NPAS2: variants seen among roughly 807,000 people sequenced by gnomAD.
NPAS2 encodes neuronal PAS domain-containing protein 2.
A neutral mutation model predicts 107.5 loss-of-function variants in NPAS2; 23 were observed. The observed-to-expected ratio is 0.21, with a 90% CI of 0.15 to 0.30. The LOEUF is 0.30. Among genes scored for constraint, NPAS2 ranks in the 10% least tolerant of loss-of-function variants. The pLI, the probability that NPAS2 is intolerant of heterozygous loss-of-function variation, is 1.00. For synonymous variants in NPAS2, 403 were observed against 417.5 expected (o/e 0.97, Z 0.42); for missense variants, 756 against 1,043.3 (o/e 0.72, Z 3.79).
At chr2:100,989,599 G>A (rs1190744020) in intron 17 of NPAS2, 2 of 152,244 alleles carry the variant, frequency 1.3e-5, no homozygotes, top group Non-Finnish European at 2.9e-5. Flanking sequence ...ACCCAAAGCA[G>A]GTGCAAGCCC....
At chr2:100,889,802 G>C (rs1680935338) in intron 1 of NPAS2, among the ~76,000 whole-genome samples, 1 of 152,148 alleles carries the variant, frequency 6.6e-6, no homozygotes, top group Admixed American at 6.5e-5. Context: ...CTGTCAGTTT[G>C]GTGACCTAGC....
intron 1 of NPAS2, among the ~76,000 whole-genome samples, chr2:100,867,154 G>A (rs575409822): frequency 1.3e-5 from 2 of 152,302 alleles, no homozygotes; most frequent in South Asian, 2.1e-4. Flanking sequence ...TGCTTGAAGA[G>A]AATGTTTATT....
rs1226979768 is a variant in NPAS2, at chr2:100,925,386, C to A, written c.181+92C>A. 7.1e-6 allele frequency: 10 copies of A among 1,408,734 alleles called. No individual in the cohort carries two copies. In the African/African-American group the frequency reaches 1.4e-4, roughly 20 times the overall value. The allele number at this position is 1,408,734 out of a possible 1,614,324, so 87.3% of individuals were successfully genotyped here. A position where few individuals can be genotyped will look rare whatever the true frequency, so the allele number is the denominator to read the frequency against. ...ATCTGGGCTGCCTGGTTGGTTTTGT[C>A]TCCCCAGCCAGGCCCAGCCTTACCG... On this transcript the variant is annotated intron_variant, in intron 3 of 20. Coordinates refer to ENST00000335681, the MANE Select transcript of NPAS2 (RefSeq NM_002518.4).
chr2:100,915,244 A>C (rs1438878935), intron 2 of NPAS2, among the ~76,000 whole-genome samples: 1 of 152,166 alleles, frequency 6.6e-6, no homozygotes, highest in Non-Finnish European at 1.5e-5. Context: ...GGGTGGGATG[A>C]AACCCTGCTG....
intron 11 of NPAS2, 63 bp from the exon 12 acceptor site, chr2:100,970,927 A>AG: frequency 7.0e-7 from 1 of 1,431,884 alleles, no homozygotes; most frequent in Non-Finnish European, 9.8e-7. Context: ...CTGTCTGTTC[A>AG]GGTGGTGTCA....
intron 1 of NPAS2, among the ~76,000 whole-genome samples, chr2:100,829,160 G>A (rs1054043967): frequency 6.7e-6 from 1 of 150,220 alleles, no homozygotes; most frequent in African/African-American, 2.5e-5. Context: ...AATGGCTGCT[G>A]CAAATGGAAC....
At chr2:100,995,356 G>A (rs373911675) in intron 20 of NPAS2, 44 bp from the exon 21 acceptor site, 7 of 1,550,456 alleles carry the variant, frequency 4.5e-6, no homozygotes, top group African/African-American at 4.1e-5. Flanking sequence ...TTGAGGAGCG[G>A]ACATCAGAAC....
rs201705535 is a variant in NPAS2, at chr2:100,979,480, CTATA to C, written c.1482+1701_1482+1704del. 6.4e-3 allele frequency among the ~76,000 whole-genome samples: 415 copies of C among 64,796 alleles called. 8 individuals carry two copies. The highest frequency in any genetic ancestry group is 0.014 in the Middle Eastern group (1 of 72). 42.5% of individuals were successfully genotyped at this position (64,796 alleles called of 152,430 possible). Reference sequence around the variant, plus strand: ...TCATGTGTACTATATTTAATAATAACTATATATATATATATATATATATTTTTTT... The same window carrying C: ...TCATGTGTACTATATTTAATAATAACTATATATATATATATATATTTTTTT... On this transcript the variant is annotated intron_variant, in intron 15 of 20. Transcript: ENST00000335681.
chr2:100,960,115 G>A (rs2105126326), intron 7 of NPAS2, among the ~76,000 whole-genome samples: 1 of 152,220 alleles, frequency 6.6e-6, no homozygotes, highest in African/African-American at 2.4e-5. Flanking sequence ...AAATGAGGCA[G>A]ACATGATTCA....
rs543644040 is a variant in NPAS2, at chr2:100,897,687, G to A, written c.-22-7046G>A. Among the ~76,000 whole-genome samples, 8 of 152,190 alleles carry A rather than the reference G, an allele frequency of 5.3e-5. No homozygotes were observed. In the East Asian group the frequency reaches 9.7e-4, roughly 18 times the overall value. The stretch of plus-strand genomic sequence containing the variant: ...ATCAGAACAAGACTCCCCGAACCCC[G>A]TCCCACCCAGGATTCACCTTTTCCT... On this transcript the variant is annotated intron_variant, in intron 1 of 20. Coordinates refer to ENST00000335681, the MANE Select transcript of NPAS2 (RefSeq NM_002518.4).
At chr2:100,916,325 C>T (rs1025301260) in intron 2 of NPAS2, among the ~76,000 whole-genome samples, 1 of 151,890 alleles carries the variant, frequency 6.6e-6, no homozygotes, top group Admixed American at 6.6e-5. Flanking sequence ...TTTTCAGTAA[C>T]CTAAATACCT....
At chr2:100,846,774 T>C (rs758955881) in intron 1 of NPAS2, 1 of 152,216 alleles carries the variant, frequency 6.6e-6, no homozygotes, top group Non-Finnish European at 1.5e-5. Context: ...ATTTGTGCCA[T>C]AAAGTGTTGA....
intron 16 of NPAS2, chr2:100,985,771 T>C (rs1279558535): frequency 6.6e-6 from 1 of 152,230 alleles, no homozygotes; most frequent in Non-Finnish European, 1.5e-5. Context: ...TATTTTTTTT[T>C]AATGTCACTA....
At chr2:100,981,097 A>G (rs747890930) in intron 15 of NPAS2, among the ~76,000 whole-genome samples, 1 of 151,916 alleles carries the variant, frequency 6.6e-6, no homozygotes, top group African/African-American at 2.4e-5. Flanking sequence ...TCTTTTTATT[A>G]TTATTTTGCT....
At chr2:100,979,454 G>A (rs1573783470) in intron 15 of NPAS2, among the ~76,000 whole-genome samples, 1 of 131,010 alleles carries the variant, frequency 7.6e-6, no homozygotes, top group East Asian at 2.2e-4. Context: ...TTCTTAGTCT[G>A]TCATGTGTAC....
At chr2:100,849,814 G>T (rs149898504) in intron 1 of NPAS2, among the ~76,000 whole-genome samples, 3 of 152,114 alleles carry the variant, frequency 2.0e-5, no homozygotes, top group Admixed American at 6.5e-5. Context: ...TCCCACAGAG[G>T]TCCTATTGTC....
intron 5 of NPAS2, among the ~76,000 whole-genome samples, chr2:100,938,689 G>A (rs113343298): frequency 0.026 from 3,552 of 137,368 alleles, 48 homozygotes; most frequent in Middle Eastern, 0.092. Flanking sequence ...AGGACCCACC[G>A]TTGAGGCTCC....
At chr2:100,961,828 C>T (rs536395332) in intron 7 of NPAS2, among the ~76,000 whole-genome samples, 12 of 152,170 alleles carry the variant, frequency 7.9e-5, no homozygotes, top group Admixed American at 5.2e-4. Flanking sequence ...GATGTTGCAT[C>T]GTTTAGAGAT....
intron 1 of NPAS2, among the ~76,000 whole-genome samples, chr2:100,848,935 G>C (rs1453986571): frequency 1.3e-5 from 2 of 152,278 alleles, no homozygotes; most frequent in African/African-American, 4.8e-5. Context: ...GTGGGGCGCA[G>C]CCTGTCATGC....
Sources: allele counts gnomAD v4.1 joint callset (sites outside exome capture counted in the v4.1 genomes callset), GRCh38; gene constraint gnomAD v4.1.1; transcripts MANE v1.5; gene names NCBI Gene and HGNC (gene_info 2026-07-23, HGNC 2026-07-21).